FBN1: variants seen among roughly 807,000 people sequenced by gnomAD.
The protein encoded by FBN1 is fibrillin 1, also known as fibrillin-1.
Under a neutral mutation model 365.1 loss-of-function variants are expected in FBN1, and 29 were observed. That is an observed-to-expected ratio of 0.08 (90% CI 0.06 to 0.11). The LOEUF (loss-of-function observed/expected upper bound fraction) is 0.11. FBN1 is among the 10% of genes least tolerant of loss of function. The pLI, the probability that FBN1 is intolerant of heterozygous loss-of-function variation, is 1.00. For missense variants in FBN1, 2,476 were observed against 3,703.2 expected (o/e 0.67, Z 8.60); for synonymous variants, 1,210 against 1,270.5 (o/e 0.95, Z 1.01).
intron 11 of FBN1, 99 bp from the exon 12 acceptor site, chr15:48,515,626 A>G: frequency 1.3e-6 from 2 of 1,512,710 alleles, no homozygotes; most frequent in South Asian, 1.1e-5. Context: ...ATCAGAAAGG[A>G]AAGAGGATAC....
intron 10 of FBN1, among the ~76,000 whole-genome samples, chr15:48,520,131 T>C (rs549284503): frequency 6.6e-6 from 1 of 152,138 alleles, no homozygotes; most frequent in African/African-American, 2.4e-5. Context: ...ATGGCAATGG[T>C]GGATTTCAGA....
intron 6 of FBN1, among the ~76,000 whole-genome samples, chr15:48,551,215 C>A (rs1393277287): frequency 6.6e-6 from 1 of 152,128 alleles, no homozygotes; most frequent in Non-Finnish European, 1.5e-5. Context: ...AATAAGTATA[C>A]AAAATACCTA....
chr15:48,421,758 T>C, intron 61 of FBN1, 72 bp from the exon 62 acceptor site: 13 of 1,563,182 alleles, frequency 8.3e-6, no homozygotes, highest in Non-Finnish European at 1.0e-5. Context: ...TAAAAGAAAA[T>C]TAGAAGGATA....
At chr15:48,416,616 C>T (rs1485144454) in intron 63 of FBN1, 1 of 152,070 alleles carries the variant, frequency 6.6e-6, no homozygotes, top group Non-Finnish European at 1.5e-5. Context: ...AAGTCTGATG[C>T]TAAGAAGCAG....
chr15:48,413,396 A>G (rs1201180167), intron 64 of FBN1, among the ~76,000 whole-genome samples: 1 of 152,228 alleles, frequency 6.6e-6, no homozygotes, highest in Non-Finnish European at 1.5e-5. Flanking sequence ...AAGTCATTCA[A>G]AACCACTAGG....
chr15:48,608,014 T>C (rs2044627538), intron 4 of FBN1, among the ~76,000 whole-genome samples: 1 of 152,246 alleles, frequency 6.6e-6, no homozygotes, highest in African/African-American at 2.4e-5. Context: ...TGGTGCTGAA[T>C]GACGAGTGTC....
intron 49 of FBN1, among the ~76,000 whole-genome samples, chr15:48,443,583 T>C (rs577728987): frequency 1.3e-5 from 2 of 152,272 alleles, no homozygotes; most frequent in African/African-American, 4.8e-5. Context: ...GTTACTTAAA[T>C]TGGATATATA....
At chr15:48,619,214 C>T (rs888678377) in intron 2 of FBN1, among the ~76,000 whole-genome samples, 12 of 152,124 alleles carry the variant, frequency 7.9e-5, no homozygotes, top group Admixed American at 6.5e-4. Flanking sequence ...GCTTGGGACA[C>T]GGGCAATTCT....
chr15:48,536,362 T>G (rs1272286794), intron 7 of FBN1, among the ~76,000 whole-genome samples: 1 of 150,568 alleles, frequency 6.6e-6, no homozygotes, highest in Non-Finnish European at 1.5e-5. Flanking sequence ...CCCAATTCCA[T>G]TAGCACCCTA....
At chr15:48,452,076 G>C (rs373656058) in intron 45 of FBN1, among the ~76,000 whole-genome samples, 11 of 152,324 alleles carry the variant, frequency 7.2e-5, no homozygotes, top group African/African-American at 2.4e-4. Flanking sequence ...CGATGGCTTT[G>C]TTTGTTCTGT....
chr15:48,537,962 A>G (rs894694515), intron 6 of FBN1, among the ~76,000 whole-genome samples, 154 bp from the exon 7 acceptor site: 1 of 152,236 alleles, frequency 6.6e-6, no homozygotes, highest in African/African-American at 2.4e-5. Context: ...GGCCTTGGAT[A>G]GACCATTCTA....
intron 2 of FBN1, among the ~76,000 whole-genome samples, chr15:48,626,249 C>T (rs546009129): frequency 2.2e-4 from 32 of 146,988 alleles, no homozygotes; most frequent in Admixed American, 1.6e-3. Flanking sequence ...AGAGCAAGAC[C>T]CTGTCTCAAA....
At chr15:48,601,919 T>A (rs2044570772) in intron 4 of FBN1, among the ~76,000 whole-genome samples, 1 of 152,228 alleles carries the variant, frequency 6.6e-6, no homozygotes, top group South Asian at 2.1e-4. Context: ...CCCCTCAGCA[T>A]GGCCCCAGGT....
At chr15:48,601,400 G>A (rs1331164584) in intron 4 of FBN1, among the ~76,000 whole-genome samples, 1 of 152,230 alleles carries the variant, frequency 6.6e-6, no homozygotes, top group Non-Finnish European at 1.5e-5. Context: ...CCTACACATG[G>A]AGGCCAGGAT....
chr15:48,419,381 A>C (rs1293038914), intron 63 of FBN1, among the ~76,000 whole-genome samples: 1 of 152,140 alleles, frequency 6.6e-6, no homozygotes, highest in Non-Finnish European at 1.5e-5. Context: ...TTTTTCACTT[A>C]GCTCCAGTGT....
intron 13 of FBN1, among the ~76,000 whole-genome samples, chr15:48,511,442 C>A (rs1311508083): frequency 6.6e-6 from 1 of 151,090 alleles, no homozygotes; most frequent in Non-Finnish European, 1.5e-5. Context: ...TTTTAAGGAT[C>A]CCATAATTTT....
In FBN1 at chr15:48,600,698, A is replaced by C. The variant is rs191042883; in HGVS notation, c.347-464T>G. ...CCAGCCTGAGTGACAGAGCGAGCGA[A>C]AGAAAGAAAAAAAAATCATTTACCA... On this transcript the variant is annotated intron_variant, in intron 4 of 65. Transcript: ENST00000316623. 5.8e-4 allele frequency among the ~76,000 whole-genome samples: 89 copies of C among 152,310 alleles called. 2 individuals are homozygous for C. The highest frequency in any genetic ancestry group is 5.4e-3 in the Admixed American group (82 of 15,304).
chr15:48,462,580 G>A lies in FBN1; in HGVS notation c.5224+502C>T, dbSNP rs570881265. On this transcript the variant is annotated intron_variant, in intron 42 of 65. Transcript: ENST00000316623. The stretch of plus-strand genomic sequence containing the variant: ...TTTCAGGCAAGTGTGTAGAATTCCC[G>A]GCTTGAATTTTGTGTATTAGTCCTG... Among the ~76,000 whole-genome samples the A allele has an allele frequency of 1.2e-4, 19 of 152,022 alleles. 3 individuals are homozygous for A. The South Asian group carries it at 3.3e-3, about 27-fold the overall frequency.
chr15:48,418,632 G>A (rs2042918498), intron 63 of FBN1, among the ~76,000 whole-genome samples: 1 of 152,106 alleles, frequency 6.6e-6, no homozygotes, highest in Admixed American at 6.5e-5. Context: ...ACTCCACAAG[G>A]AATTTTTTTA....
Sources: allele counts gnomAD v4.1 joint callset (sites outside exome capture counted in the v4.1 genomes callset), GRCh38; gene constraint gnomAD v4.1.1; transcripts MANE v1.5; gene names NCBI Gene and HGNC (gene_info 2026-07-23, HGNC 2026-07-21).